OR9Q1: variants seen among roughly 807,000 people sequenced by gnomAD.
OR9Q1 encodes olfactory receptor family 9 subfamily Q member 1.
For synonymous variants in OR9Q1, 153 were observed against 148.6 expected (o/e 1.03, Z -0.22); for missense variants, 374 against 378.8 (o/e 0.99, Z 0.11).
At chr11:58,160,929 A>G (rs1027747287) in intron 2 of OR9Q1, among the ~76,000 whole-genome samples, 1 of 152,218 alleles carries the variant, frequency 6.6e-6, no homozygotes, top group African/African-American at 2.4e-5. Context: ...TAATCAAGCC[A>G]ACTAGAGTAA....
intron 2 of OR9Q1, among the ~76,000 whole-genome samples, chr11:58,156,831 C>G (rs1372179813): frequency 6.6e-6 from 1 of 152,056 alleles, no homozygotes; most frequent in African/African-American, 2.4e-5. Context: ...ATAGTAGAGC[C>G]CTTTGCTAGA....
At chr11:58,037,894 G>GTA (rs1175173024) in intron 1 of OR9Q1, among the ~76,000 whole-genome samples, 2,721 of 97,768 alleles carry the variant, frequency 0.028, 137 homozygotes, top group African/African-American at 0.092. Context: ...AATTTTTTTT[G>GTA]TTTTTTTTTT....
intron 2 of OR9Q1, among the ~76,000 whole-genome samples, chr11:58,088,666 ATTGT>A (rs139419024): frequency 0.13 from 19,205 of 150,978 alleles, 1,492 homozygotes; most frequent in South Asian, 0.19. Flanking sequence ...TTTTGATGGG[ATTGT>A]TTGTTTTTTT....
At chr11:58,069,161 A>G (rs1853462398) in intron 2 of OR9Q1, among the ~76,000 whole-genome samples, 7 of 110,418 alleles carry the variant, frequency 6.3e-5, no homozygotes. Flanking sequence ...CACATGGGAG[A>G]CTCCATGCCT....
intron 1 of OR9Q1, among the ~76,000 whole-genome samples, chr11:58,036,534 A>G (rs974370875): frequency 2.6e-5 from 4 of 152,218 alleles, no homozygotes; most frequent in Non-Finnish European, 2.9e-5. Flanking sequence ...GGATCTGGAC[A>G]AAGTAAATTC....
At chr11:58,069,464 C>T (rs1358141379) in intron 2 of OR9Q1, among the ~76,000 whole-genome samples, 2 of 152,030 alleles carry the variant, frequency 1.3e-5, no homozygotes, top group Non-Finnish European at 2.9e-5. Context: ...AGTACTGGTT[C>T]CTTGCCCTGA....
chr11:58,093,733 C>T (rs978524291), intron 2 of OR9Q1, among the ~76,000 whole-genome samples: 2 of 122,862 alleles, frequency 1.6e-5, no homozygotes, highest in East Asian at 4.7e-4. Flanking sequence ...GCACTCCAGC[C>T]TGGATGACAG....
intron 1 of OR9Q1, among the ~76,000 whole-genome samples, chr11:58,034,711 ACTGT>A (rs34092077): frequency 0.27 from 32,422 of 118,896 alleles, 4,058 homozygotes; most frequent in Middle Eastern, 0.47. Flanking sequence ...GAGGAGACAC[ACTGT>A]CTGTCTTAAG....
chr11:58,106,466 T>G (rs1853841559), intron 2 of OR9Q1, among the ~76,000 whole-genome samples: 1 of 152,186 alleles, frequency 6.6e-6, no homozygotes, highest in African/African-American at 2.4e-5. Flanking sequence ...CTCTGATGAT[T>G]GTTTCCTTTG....
intron 2 of OR9Q1, among the ~76,000 whole-genome samples, chr11:58,157,878 T>C (rs543173482): frequency 6.6e-6 from 1 of 152,334 alleles, no homozygotes; most frequent in East Asian, 1.9e-4. Context: ...GCACTTCAGC[T>C]AAATGGCAGA....
chr11:58,130,342 A>G (rs1378644375), intron 2 of OR9Q1, among the ~76,000 whole-genome samples: 1 of 152,242 alleles, frequency 6.6e-6, no homozygotes, highest in Admixed American at 6.5e-5. Flanking sequence ...GTCATGAGAT[A>G]CTTTTTGCCT....
chr11:58,121,873 A>C (rs1194024621), intron 2 of OR9Q1, among the ~76,000 whole-genome samples: 3 of 152,112 alleles, frequency 2.0e-5, no homozygotes, highest in African/African-American at 7.2e-5. Context: ...GATTGCCTCC[A>C]CACCCCTGTA....
chr11:58,080,643 C>T (rs562109483), intron 2 of OR9Q1, among the ~76,000 whole-genome samples: 23 of 152,232 alleles, frequency 1.5e-4, no homozygotes, highest in Middle Eastern at 3.4e-3. Context: ...ACAGCCTCAC[C>T]GGCATTTGTT....
chr11:58,043,949 A>G (rs1853191448), intron 1 of OR9Q1, among the ~76,000 whole-genome samples: 1 of 152,198 alleles, frequency 6.6e-6, no homozygotes, highest in Non-Finnish European at 1.5e-5. Context: ...TGCACCCAGC[A>G]CAGTGGTTGT....
chr11:58,074,129 T>C (rs1853516415), intron 2 of OR9Q1, among the ~76,000 whole-genome samples: 1 of 152,196 alleles, frequency 6.6e-6, no homozygotes, highest in African/African-American at 2.4e-5. Flanking sequence ...GCAATAAACA[T>C]ATGTGTGCAT....
chr11:58,112,681 G>A (rs760669587), intron 2 of OR9Q1, among the ~76,000 whole-genome samples: 13 of 152,222 alleles, frequency 8.5e-5, no homozygotes, highest in Non-Finnish European at 1.3e-4. Context: ...AACCATGAAC[G>A]TCAATGATTT....
At chr11:58,119,510 C>T (rs909454626) in intron 2 of OR9Q1, 1 of 1,082,400 alleles carries the variant, frequency 9.2e-7, no homozygotes, top group Non-Finnish European at 1.3e-6. Context: ...AATTGAAGGA[C>T]AGAATCTTTC....
intron 2 of OR9Q1, among the ~76,000 whole-genome samples, chr11:58,146,418 T>G (rs993028175): frequency 6.6e-6 from 1 of 152,208 alleles, no homozygotes; most frequent in Non-Finnish European, 1.5e-5. Context: ...ATTCAGCAAA[T>G]ATATGCTATC....
chr11:58,036,372 T>A (rs1486699876), intron 1 of OR9Q1, among the ~76,000 whole-genome samples: 1 of 152,202 alleles, frequency 6.6e-6, no homozygotes, highest in Non-Finnish European at 1.5e-5. Flanking sequence ...AGAGTTCTGA[T>A]GGAAATGTAC....
Sources: allele counts gnomAD v4.1 joint callset (sites outside exome capture counted in the v4.1 genomes callset), GRCh38; gene constraint gnomAD v4.1.1; transcripts MANE v1.5; gene names NCBI Gene and HGNC (gene_info 2026-07-23, HGNC 2026-07-21).